The following AK4 variants were observed in gnomAD, a reference collection of about 807,000 sequenced individuals.
AK4 encodes the protein adenylate kinase 4.
In AK4, 13 loss-of-function variants were observed where a neutral mutation model predicts 24.6. That is an observed-to-expected ratio of 0.53 (90% CI 0.34 to 0.84). The LOEUF (loss-of-function observed/expected upper bound fraction) is 0.84, where lower values mean the gene tolerates loss of function less well. AK4 is among the 40% of genes least tolerant of loss of function. The probability of loss-of-function intolerance (pLI) is 0.01; values close to 1 mark genes in which losing one functional copy is unlikely to be tolerated. For missense variants in AK4, 192 were observed against 288.2 expected (o/e 0.67, Z 2.42); for synonymous variants, 88 against 107.0 (o/e 0.82, Z 1.10).
intron 3 of AK4, among the ~76,000 whole-genome samples, chr1:65,224,343 G>GT (rs1442185565): frequency 2.0e-5 from 3 of 152,192 alleles, no homozygotes; most frequent in East Asian, 1.9e-4. Flanking sequence ...AAGCCAAGTT[G>GT]TTTTTTTGAG....
chr1:65,221,730 T>G (rs1652299449), intron 3 of AK4, among the ~76,000 whole-genome samples: 1 of 152,250 alleles, frequency 6.6e-6, no homozygotes, highest in South Asian at 2.1e-4. Context: ...CCAGACCTGC[T>G]GACGCAGAGA....
intron 1 of AK4, among the ~76,000 whole-genome samples, chr1:65,171,122 A>ATTTT (rs59764198): frequency 1.6e-5 from 2 of 122,942 alleles, no homozygotes; most frequent in Admixed American, 8.7e-5. Context: ...TGCTTGGCTA[A>ATTTT]TTTTTTTTTT....
chr1:65,219,273 C>G (rs1315320716), intron 3 of AK4, among the ~76,000 whole-genome samples: 1 of 151,724 alleles, frequency 6.6e-6, no homozygotes, highest in Non-Finnish European at 1.5e-5. Context: ...AAATAATACT[C>G]CCTTTTTTTG....
intron 2 of AK4, among the ~76,000 whole-genome samples, chr1:65,201,307 T>G (rs1444027881): frequency 6.6e-6 from 1 of 152,200 alleles, no homozygotes; most frequent in Non-Finnish European, 1.5e-5. Context: ...CCTGCGTTCG[T>G]GTCCTCCATG....
At chr1:65,183,677 GT>G (rs1650989816) in intron 1 of AK4, among the ~76,000 whole-genome samples, 1 of 151,512 alleles carries the variant, frequency 6.6e-6, no homozygotes, top group Non-Finnish European at 1.5e-5. Context: ...GTGTGTGTGT[GT>G]GTGTGTGTGT....
intron 2 of AK4, among the ~76,000 whole-genome samples, chr1:65,211,139 C>A (rs1248333928): frequency 6.6e-6 from 1 of 152,192 alleles, no homozygotes; most frequent in Non-Finnish European, 1.5e-5. Flanking sequence ...ATTCCCAGCA[C>A]TTTGGGAAGC....
intron 3 of AK4, among the ~76,000 whole-genome samples, chr1:65,223,169 A>T (rs1287609143): frequency 6.6e-6 from 1 of 151,832 alleles, no homozygotes; most frequent in Non-Finnish European, 1.5e-5. Context: ...TCACTAAAAT[A>T]AATGTTATTT....
At chr1:65,163,423 C>T (rs116210553) in intron 1 of AK4, among the ~76,000 whole-genome samples, 1,579 of 152,298 alleles carry the variant, frequency 0.01, 24 homozygotes, top group African/African-American at 0.036. Flanking sequence ...CTACAGAAAT[C>T]GGAAGTGAGA....
At chr1:65,150,223 T>A (rs1484514816) in intron 1 of AK4, among the ~76,000 whole-genome samples, 1 of 152,104 alleles carries the variant, frequency 6.6e-6, no homozygotes, top group Non-Finnish European at 1.5e-5. Context: ...CTGCACTTTC[T>A]TAGGGGCTTT....
chr1:65,171,415 C>T (rs1260605477), intron 1 of AK4, among the ~76,000 whole-genome samples: 4 of 148,384 alleles, frequency 2.7e-5, no homozygotes, highest in African/African-American at 7.5e-5. Context: ...TCAAGCGATT[C>T]TCCTGCCTCA....
chr1:65,176,025 C>A (rs891038615), intron 1 of AK4, among the ~76,000 whole-genome samples: 1 of 152,110 alleles, frequency 6.6e-6, no homozygotes, highest in African/African-American at 2.4e-5. Flanking sequence ...TTATGAAGCT[C>A]CAGTATCTTT....
chr1:65,218,912 C>G lies in AK4; in HGVS notation c.424C>G (p.Pro142Ala), dbSNP rs1253680450. The stretch of plus-strand genomic sequence containing the variant: ...AAGGGTATATAACCTGGACTTCAAT[C>G]CACCTCATGTACATGTAAGAATATA... Reference protein sequence around the residue: ...SGRVYNLDFNPPHVHGIDDVT... With the variant: ...SGRVYNLDFNAPHVHGIDDVT... The change falls in exon 3 of 5, where the codon CCA (proline) becomes GCA (alanine). Residue 142 changes from proline (P) to alanine (A), a missense_variant. Physicochemically the swap from Pro to Ala is conservative, Grantham distance 27. Transcript: ENST00000327299. The G allele has an allele frequency of 1.3e-6, 2 of 1,584,394 alleles. No homozygotes were observed. The highest frequency in any genetic ancestry group is 4.6e-5 in the East Asian group (2 of 43,778).
intron 1 of AK4, among the ~76,000 whole-genome samples, chr1:65,150,279 C>G (rs542346017): frequency 8.2e-6 from 1 of 122,512 alleles, no homozygotes; most frequent in Admixed American, 7.3e-5. Flanking sequence ...CTTTCTCTCT[C>G]TCTCTCTTTT....
rs1457165139 is a variant in AK4 at position 65,227,635 on chromosome 1, T to TTAC, written c.*1461_*1463dup. The TTAC allele has an allele frequency of 2.8e-5, 4 of 142,648 alleles. No individual in the cohort carries two copies. The highest frequency in any genetic ancestry group is 7.2e-5 in the Admixed American group (1 of 13,986). 8.8% of individuals were successfully genotyped at this position (142,648 alleles called of 1,614,324 possible). ...CATGACTGTCCCCAGTGAGTGTCCT[T>TTAC]TACTATTCTTGGGAGTGACTCCTGT... On this transcript the variant is annotated 3_prime_UTR_variant, in exon 5 of 5. Coordinates refer to ENST00000327299, the MANE Select transcript of AK4 (RefSeq NM_013410.4).
At chr1:65,188,210 C>G (rs1027864811) in intron 1 of AK4, among the ~76,000 whole-genome samples, 4 of 152,100 alleles carry the variant, frequency 2.6e-5, no homozygotes, top group African/African-American at 9.7e-5. Flanking sequence ...GCCTGGCCAA[C>G]ATGGTGAAAC....
rs1649638166 is a variant in AK4, at chr1:65,148,386, C to T, written c.-22C>T. ...CCGCGGTCGGGGCTGCGCGTTTGAC[C>T]GCCCCCCTCCTCGCGAAGGCAATGG... On this transcript the variant is annotated 5_prime_UTR_variant, in exon 1 of 5. Transcript: ENST00000327299. The T allele has an allele frequency of 1.3e-6, 2 of 1,521,940 alleles. No individual in the cohort carries two copies. The highest frequency in any genetic ancestry group is 2.4e-4 in the Middle Eastern group (1 of 4,138). 94.3% of individuals were successfully genotyped at this position (1,521,940 alleles called of 1,614,324 possible). A position where few individuals can be genotyped will look rare whatever the true frequency, so the allele number is the denominator to read the frequency against.
At chr1:65,152,356 C>CTATATATATATA (rs1649809872) in intron 1 of AK4, among the ~76,000 whole-genome samples, 1 of 33,900 alleles carries the variant, frequency 2.9e-5, no homozygotes, top group Admixed American at 4.3e-4. Flanking sequence ...CTCTCTCTCT[C>CTATATATATATA]TCTCTATATA....
rs768327450 is a variant in AK4, at chr1:65,224,730, T to C, written c.439-22T>C. On this transcript the variant is annotated intron_variant, in intron 3 of 4. Transcript: ENST00000327299. The stretch of plus-strand genomic sequence containing the variant: ...ATGGCCCAACTGTTGTCTATATTAA[T>C]TGGTTTATTTGGTATTTGTAGGGTA... The C allele has an allele frequency of 1.9e-6, 3 of 1,592,854 alleles. No individual in the cohort carries two copies. The South Asian group carries it at 3.3e-5, about 18-fold the overall frequency.
chr1:65,189,758 A>G (rs1651233284), intron 1 of AK4, among the ~76,000 whole-genome samples: 1 of 151,928 alleles, frequency 6.6e-6, no homozygotes, highest in Non-Finnish European at 1.5e-5. Flanking sequence ...ATTTCTACAT[A>G]TAGGAAATTA....
Sources: allele counts gnomAD v4.1 joint callset (sites outside exome capture counted in the v4.1 genomes callset), GRCh38; gene constraint gnomAD v4.1.1; transcripts MANE v1.5; gene names NCBI Gene and HGNC (gene_info 2026-07-23, HGNC 2026-07-21).